SMOC1: variants seen among roughly 807,000 people sequenced by gnomAD.
SMOC1 encodes SPARC related modular calcium binding 1, also known as SPARC-related modular calcium-binding protein 1.
In SMOC1, 22 loss-of-function variants were observed where a neutral mutation model predicts 56.3. The observed-to-expected ratio is 0.39, with a 90% CI of 0.28 to 0.56. SMOC1 has a LOEUF of 0.56. Among genes scored for constraint, SMOC1 ranks in the 20% least tolerant of loss-of-function variants. The pLI is 0.61. For synonymous variants in SMOC1, 193 were observed against 215.0 expected (o/e 0.90, Z 0.89); for missense variants, 509 against 565.4 (o/e 0.90, Z 1.01).
At chr14:70,019,441 G>T (rs954101771) in intron 10 of SMOC1, among the ~76,000 whole-genome samples, 1 of 152,242 alleles carries the variant, frequency 6.6e-6, no homozygotes, top group African/African-American at 2.4e-5. Context: ...GAAGTCTGCA[G>T]TGTGGACAAG....
intron 10 of SMOC1, among the ~76,000 whole-genome samples, chr14:70,020,615 C>T (rs1305377566): frequency 1.3e-5 from 2 of 152,118 alleles, no homozygotes; most frequent in Non-Finnish European, 2.9e-5. Context: ...GAAGTGAATG[C>T]TGCACATCTC....
intron 1 of SMOC1, among the ~76,000 whole-genome samples, chr14:69,935,545 C>G (rs1885273687): frequency 6.6e-6 from 1 of 152,222 alleles, no homozygotes; most frequent in African/African-American, 2.4e-5. Flanking sequence ...AGCTAGTTTG[C>G]TGGGGTCTCT....
At chr14:69,974,102 A>G (rs1488939800) in intron 3 of SMOC1, among the ~76,000 whole-genome samples, 1 of 152,222 alleles carries the variant, frequency 6.6e-6, no homozygotes, top group Non-Finnish European at 1.5e-5. Context: ...CCCATCAATC[A>G]CCTACAATGA....
chr14:70,009,763 A>C (rs1250965011), intron 7 of SMOC1, among the ~76,000 whole-genome samples: 1 of 152,254 alleles, frequency 6.6e-6, no homozygotes, highest in Non-Finnish European at 1.5e-5. Context: ...ATGTACATAA[A>C]ATCTAGGGAA....
chr14:69,965,406 A>AT (rs1883536018), intron 3 of SMOC1, among the ~76,000 whole-genome samples: 2 of 151,512 alleles, frequency 1.3e-5, no homozygotes, highest in Non-Finnish European at 2.9e-5. Context: ...AATAATAATA[A>AT]AAAGATGACC....
intron 1 of SMOC1, among the ~76,000 whole-genome samples, chr14:69,932,469 C>G (rs1885192494): frequency 6.6e-6 from 1 of 152,152 alleles, no homozygotes. Flanking sequence ...AAGTGAGGAA[C>G]AAAGCCGCCA....
In SMOC1 at chr14:69,999,042, A is replaced by G. The variant is rs574573071; in HGVS notation, c.664+4562A>G. 1.9e-4 allele frequency among the ~76,000 whole-genome samples: 29 copies of G among 152,316 alleles called. No homozygotes were observed. In the East Asian group the frequency reaches 5.2e-3, roughly 27 times the overall value. On this transcript the variant is annotated intron_variant, in intron 7 of 11. Transcript: ENST00000361956. Reference sequence around the variant, plus strand: ...GACTCTGCTCCCTGGAGATACAGCCATCAGCACAGACATAAGGTGGAAATG... The same window carrying G: ...GACTCTGCTCCCTGGAGATACAGCCGTCAGCACAGACATAAGGTGGAAATG...
intron 3 of SMOC1, among the ~76,000 whole-genome samples, chr14:69,956,927 A>G (rs1299126135): frequency 6.6e-6 from 1 of 152,214 alleles, no homozygotes; most frequent in Non-Finnish European, 1.5e-5. Flanking sequence ...CGAGCTCCCC[A>G]GGCGATGCCA....
At chr14:69,920,099 C>G (rs1371102854) in intron 1 of SMOC1, among the ~76,000 whole-genome samples, 1 of 152,150 alleles carries the variant, frequency 6.6e-6, no homozygotes, top group Non-Finnish European at 1.5e-5. Context: ...AGAGCAAGGC[C>G]CAGAGCCTCT....
chr14:69,998,006 G>T (rs186711617), intron 7 of SMOC1, among the ~76,000 whole-genome samples: 1 of 152,252 alleles, frequency 6.6e-6, no homozygotes, highest in African/African-American at 2.4e-5. Flanking sequence ...ACCCTGTGAC[G>T]CCAGGTTTGT....
intron 10 of SMOC1, among the ~76,000 whole-genome samples, chr14:70,016,467 G>A (rs764073270): frequency 6.6e-6 from 1 of 152,178 alleles, no homozygotes; most frequent in African/African-American, 2.4e-5. Context: ...AGACAGACAA[G>A]ATGCTTCAAG....
At chr14:69,915,411 C>T (rs1237044615) in intron 1 of SMOC1, among the ~76,000 whole-genome samples, 1 of 152,208 alleles carries the variant, frequency 6.6e-6, no homozygotes, top group Non-Finnish European at 1.5e-5. Context: ...CGTACTTACT[C>T]AAGGACATTA....
Position 69,977,907 on chromosome 14 carries a change from TC to T in SMOC1, c.479-10del. On this transcript the variant is annotated splice_polypyrimidine_tract_variant and intron_variant, in intron 4 of 11. Transcript: ENST00000361956. ...TGAGTGGCTATGTTTTTGTTTCCCT[TC>T]TCACCCAAGGTTCAGTCACCGACAA... The T allele has an allele frequency of 6.2e-7, 1 of 1,613,764 alleles. No individual in the cohort carries two copies. Among genetic ancestry groups the T allele is most frequent in the South Asian group, 1.1e-5 (1 of 91,058 alleles).
At chr14:69,957,041 A>G (rs1377476376) in intron 3 of SMOC1, among the ~76,000 whole-genome samples, 1 of 152,228 alleles carries the variant, frequency 6.6e-6, no homozygotes, top group Non-Finnish European at 1.5e-5. Flanking sequence ...GACATGTTGA[A>G]TAAGCTCAGG....
intron 5 of SMOC1, among the ~76,000 whole-genome samples, chr14:69,989,292 G>T (rs1159390129): frequency 6.6e-6 from 1 of 152,178 alleles, no homozygotes; most frequent in Non-Finnish European, 1.5e-5. Flanking sequence ...GATTAACAAT[G>T]TTGGATATCT....
chr14:69,879,656 G>C lies in SMOC1; in HGVS notation c.-23G>C. The C allele has an allele frequency of 3.4e-6, 5 of 1,481,060 alleles. No individual in the cohort carries two copies. Among genetic ancestry groups the C allele is most frequent in the East Asian group, 5.8e-5 (2 of 34,318 alleles). The allele number at this position is 1,481,060 out of a possible 1,614,324, so 91.7% of individuals were successfully genotyped here. On this transcript the variant is annotated 5_prime_UTR_variant, in exon 1 of 12. Transcript: ENST00000361956. ...GAGCCCGCGAACCCCGCTCGCTGCC[G>C]GCTGCCCAGCCTGGCTGGCACCATG...
intron 1 of SMOC1, among the ~76,000 whole-genome samples, chr14:69,904,620 G>C (rs921619591): frequency 1.3e-5 from 2 of 152,212 alleles, no homozygotes; most frequent in African/African-American, 4.8e-5. Flanking sequence ...GAGAGGTGAA[G>C]CATCAGCTAC....
intron 7 of SMOC1, among the ~76,000 whole-genome samples, chr14:70,007,067 A>G (rs1885172025): frequency 6.6e-6 from 1 of 152,188 alleles, no homozygotes; most frequent in African/African-American, 2.4e-5. Context: ...TAGTGAGTAA[A>G]AGAAAAATAT....
intron 11 of SMOC1, 40 bp downstream of exon 11, chr14:70,023,487 G>A (rs1443492647): frequency 6.2e-7 from 1 of 1,613,546 alleles, no homozygotes; most frequent in Non-Finnish European, 8.5e-7. Context: ...TTCAATACTT[G>A]CCCCCACCCA....
Sources: gnomAD v4.1 joint callset for allele counts (sites outside exome capture counted in the v4.1 genomes callset) on GRCh38, gnomAD v4.1.1 for gene constraint, MANE v1.5 for transcripts, NCBI Gene and HGNC (gene_info 2026-07-23, HGNC 2026-07-21) for gene names.